KATNBL1: variants seen among roughly 807,000 people sequenced by gnomAD.
KATNBL1 encodes KATNB1-like protein 1.
Under a neutral mutation model 44.7 loss-of-function variants are expected in KATNBL1, and 28 were observed. The ratio of observed to expected loss-of-function variants is 0.63; its 90% confidence interval spans 0.46 to 0.86. The LOEUF (loss-of-function observed/expected upper bound fraction) is 0.86. Ranked by LOEUF, KATNBL1 falls within the 40% of genes least tolerant of loss-of-function variation. The pLI is 0.00. For missense variants in KATNBL1, 272 were observed against 350.7 expected (o/e 0.78, Z 1.79); for synonymous variants, 78 against 114.9 (o/e 0.68, Z 2.06).
intron 1 of KATNBL1, among the ~76,000 whole-genome samples, chr15:34,196,367 G>A (rs771209121): frequency 7.9e-5 from 12 of 152,150 alleles, no homozygotes; most frequent in Admixed American, 2.0e-4. Context: ...GCAGTGAGTC[G>A]AGACTGCATG....
intron 1 of KATNBL1, among the ~76,000 whole-genome samples, chr15:34,185,868 G>A (rs958714651): frequency 6.6e-6 from 1 of 152,188 alleles, no homozygotes; most frequent in Non-Finnish European, 1.5e-5. Flanking sequence ...AATCATGACA[G>A]ATAAGGGGTC....
In KATNBL1 at chr15:34,181,787, T is replaced by TATATACATATATATGTCC. The variant is rs1889559486; in HGVS notation, c.-14-18098_-14-18097insGGACATATATATGTATAT. Among the ~76,000 whole-genome samples the TATATACATATATATGTCC allele has an allele frequency of 8.0e-5, 10 of 124,656 alleles. 2 individuals carry two copies. Among genetic ancestry groups the TATATACATATATATGTCC allele is most frequent in the African/African-American group, 3.2e-4 (10 of 31,530 alleles). 81.8% of individuals were successfully genotyped at this position (124,656 alleles called of 152,430 possible). On this transcript the variant is annotated intron_variant, in intron 1 of 9. Coordinates refer to ENST00000256544, the MANE Select transcript of KATNBL1 (RefSeq NM_024713.3). The stretch of plus-strand genomic sequence containing the variant: ...ATATATATACACATATATATGTCCA[T>TATATACATATATATGTCC]ATATATATCCATATATATACATATA...
At chr15:34,147,086 T>C in intron 7 of KATNBL1, 114 bp downstream of exon 7, 2 of 685,234 alleles carry the variant, frequency 2.9e-6, no homozygotes, top group Non-Finnish European at 5.1e-6. Context: ...TATTAGCTTC[T>C]TGAAAACAGA....
intron 9 of KATNBL1, chr15:34,142,821 C>A (rs1597419680): frequency 3.5e-6 from 1 of 288,570 alleles, no homozygotes; most frequent in Non-Finnish European, 6.7e-6. Context: ...AAGTGATTCT[C>A]CAGCCTCAGC....
chr15:34,151,911 A>G (rs1888490415), intron 4 of KATNBL1, among the ~76,000 whole-genome samples: 1 of 151,340 alleles, frequency 6.6e-6, no homozygotes, highest in Admixed American at 6.6e-5. Context: ...GCCCGGCAAA[A>G]TGTGTCTGGA....
intron 4 of KATNBL1, among the ~76,000 whole-genome samples, chr15:34,151,400 C>T: frequency 9.7e-6 from 1 of 103,218 alleles, no homozygotes; most frequent in Non-Finnish European, 2.1e-5. Context: ...ACATGTATGT[C>T]TTCTTTTGAA....
At chr15:34,165,480 C>T (rs996303549) in intron 1 of KATNBL1, among the ~76,000 whole-genome samples, 2 of 152,170 alleles carry the variant, frequency 1.3e-5, no homozygotes, top group African/African-American at 4.8e-5. Flanking sequence ...ATGGCAATAA[C>T]ATTTTGGAAA....
intron 1 of KATNBL1, among the ~76,000 whole-genome samples, chr15:34,191,010 A>G (rs7181687): frequency 0.33 from 50,262 of 151,806 alleles, 8,840 homozygotes; most frequent in African/African-American, 0.47. Flanking sequence ...CTTCAGGACT[A>G]TATCAACTAA....
At chr15:34,178,584 T>C (rs534583407) in intron 1 of KATNBL1, among the ~76,000 whole-genome samples, 116 of 152,102 alleles carry the variant, frequency 7.6e-4, no homozygotes, top group South Asian at 3.7e-3. Context: ...GGTGAAACCC[T>C]GTCTCTACTA....
intron 4 of KATNBL1, among the ~76,000 whole-genome samples, chr15:34,150,708 GGT>G (rs1888443407): frequency 6.6e-6 from 1 of 152,320 alleles, no homozygotes; most frequent in Admixed American, 6.5e-5. Context: ...TCATCACACA[GGT>G]AATAAGCATA....
chr15:34,148,163 T>G (rs1888365258), intron 5 of KATNBL1, among the ~76,000 whole-genome samples: 1 of 152,150 alleles, frequency 6.6e-6, no homozygotes, highest in South Asian at 2.1e-4. Flanking sequence ...AAAAGGGATT[T>G]TTAGAAGGTT....
At chr15:34,206,812 A>C (rs1235621950) in intron 1 of KATNBL1, among the ~76,000 whole-genome samples, 1 of 152,060 alleles carries the variant, frequency 6.6e-6, no homozygotes. Context: ...AAAGAAAAGA[A>C]AAGTCAAATT....
chr15:34,200,482 C>T (rs956941478), intron 1 of KATNBL1, among the ~76,000 whole-genome samples: 45 of 151,068 alleles, frequency 3.0e-4, no homozygotes, highest in African/African-American at 1.1e-3. Flanking sequence ...AGGCTGGTCT[C>T]GAACGCCTGA....
chr15:34,172,256 C>CTTTTTTTT (rs59733560), intron 1 of KATNBL1, among the ~76,000 whole-genome samples: 7,939 of 96,376 alleles, frequency 0.082, 1,218 homozygotes, highest in Middle Eastern at 0.11. Context: ...GGAACATATT[C>CTTTTTTTT]TTTTTTTTTT....
chr15:34,192,668 T>C (rs1417164105), intron 1 of KATNBL1, among the ~76,000 whole-genome samples: 1 of 152,156 alleles, frequency 6.6e-6, no homozygotes, highest in East Asian at 1.9e-4. Context: ...CAGACGTGTG[T>C]AGAAAGACTA....
intron 1 of KATNBL1, among the ~76,000 whole-genome samples, chr15:34,192,248 C>G (rs1889895052): frequency 6.6e-6 from 1 of 151,674 alleles, no homozygotes; most frequent in African/African-American, 2.4e-5. Context: ...ACTAAAAGTA[C>G]AAAAAATGAG....
At chr15:34,183,745 C>G (rs2140972649) in intron 1 of KATNBL1, among the ~76,000 whole-genome samples, 1 of 152,288 alleles carries the variant, frequency 6.6e-6, no homozygotes. Context: ...AAGTGGTAGG[C>G]AAAGTTTGGC....
In KATNBL1 at chr15:34,141,472, G is replaced by A. The variant is rs1888148329; in HGVS notation, c.*867C>T. On this transcript the variant is annotated 3_prime_UTR_variant, in exon 10 of 10. Coordinates refer to ENST00000256544, the MANE Select transcript of KATNBL1 (RefSeq NM_024713.3). ...GGAATGAAAAATATTAGAAATCTAT[G>A]TACAATAAAAAGTAAATATAAATTA... 1 of 152,524 alleles carries A rather than the reference G, an allele frequency of 6.6e-6. No individual in the cohort carries two copies. The allele number at this position is 152,524 out of a possible 1,614,324, so 9.4% of individuals were successfully genotyped here. A position where few individuals can be genotyped will look rare whatever the true frequency, so the allele number is the denominator to read the frequency against.
chr15:34,209,224 T>A (rs1890368749), intron 1 of KATNBL1: 1 of 152,220 alleles, frequency 6.6e-6, no homozygotes. Flanking sequence ...TAGTTTCTCA[T>A]AATTCTCGCA....
Sources: gnomAD v4.1 joint callset for allele counts (sites outside exome capture counted in the v4.1 genomes callset) on GRCh38, gnomAD v4.1.1 for gene constraint, MANE v1.5 for transcripts, NCBI Gene and HGNC (gene_info 2026-07-23, HGNC 2026-07-21) for gene names.